ZNF277: variants seen among roughly 807,000 people sequenced by gnomAD.
ZNF277 encodes nuclear receptor-interacting factor 4.
A neutral mutation model predicts 60.7 loss-of-function variants in ZNF277; 55 were observed. The ratio of observed to expected loss-of-function variants is 0.91; its 90% CI spans 0.73 to 1.13. ZNF277 has a LOEUF of 1.13. ZNF277 is among the 50% of genes most tolerant of loss of function. The pLI is 0.00. For synonymous variants in ZNF277, 178 were observed against 179.3 expected, an observed-to-expected ratio of 0.99 and a Z score of 0.06; for missense variants, 510 against 523.0, an observed-to-expected ratio of 0.98 and a Z score of 0.24.
At chr7:112,252,030 A>G (rs1241855997) in intron 1 of ZNF277, among the ~76,000 whole-genome samples, 1 of 152,050 alleles carries the variant, frequency 6.6e-6, no homozygotes, top group East Asian at 1.9e-4. Context: ...TTTTTGTGAG[A>G]CTCACCCAGT....
intron 1 of ZNF277, among the ~76,000 whole-genome samples, chr7:112,215,720 A>T (rs567222114): frequency 6.6e-6 from 1 of 152,064 alleles, no homozygotes; most frequent in East Asian, 1.9e-4. Context: ...TCCTCATTTC[A>T]TGTTTTTTTC....
intron 7 of ZNF277, among the ~76,000 whole-genome samples, chr7:112,331,138 A>T (rs1793222110): frequency 2.6e-5 from 4 of 152,162 alleles, no homozygotes; most frequent in Admixed American, 1.3e-4. Context: ...CATGCCAAGC[A>T]TTTTAAATGT....
At chr7:112,217,077 G>A (rs182237020) in intron 1 of ZNF277, among the ~76,000 whole-genome samples, 1 of 152,322 alleles carries the variant, frequency 6.6e-6, no homozygotes, top group East Asian at 1.9e-4. Context: ...GAATGCTGTA[G>A]AATACAAAGA....
At chr7:112,235,113 A>G (rs923666994) in intron 1 of ZNF277, among the ~76,000 whole-genome samples, 9 of 151,790 alleles carry the variant, frequency 5.9e-5, no homozygotes, top group African/African-American at 2.2e-4. Flanking sequence ...TCATAGTTAG[A>G]AAAAAAACAA....
chr7:112,209,066 A>G (rs928601186), intron 1 of ZNF277, among the ~76,000 whole-genome samples: 1 of 152,204 alleles, frequency 6.6e-6, no homozygotes, highest in Non-Finnish European at 1.5e-5. Context: ...AGTCTATCAT[A>G]GAAACCCTTC....
At chr7:112,292,616 C>T (rs1465743118) in intron 2 of ZNF277, among the ~76,000 whole-genome samples, 1 of 152,108 alleles carries the variant, frequency 6.6e-6, no homozygotes, top group East Asian at 1.9e-4. Flanking sequence ...TGTACCGATT[C>T]GTCCCCACAT....
intron 4 of ZNF277, among the ~76,000 whole-genome samples, chr7:112,304,812 A>G (rs1792553196): frequency 6.6e-6 from 1 of 152,198 alleles, no homozygotes; most frequent in Non-Finnish European, 1.5e-5. Context: ...AAACTCTTTC[A>G]GTAACTTAGA....
At chr7:112,341,331 A>G (rs1054112530) in intron 11 of ZNF277, among the ~76,000 whole-genome samples, 9 of 152,226 alleles carry the variant, frequency 5.9e-5, no homozygotes, top group Admixed American at 5.9e-4. Flanking sequence ...ATATTTTATT[A>G]ACAAAATATT....
intron 1 of ZNF277, among the ~76,000 whole-genome samples, chr7:112,217,810 T>A (rs373256938): frequency 2.6e-5 from 4 of 152,306 alleles, no homozygotes; most frequent in East Asian, 3.9e-4. Context: ...ACATCACTAT[T>A]GTAAAACCTA....
At position 112,330,551 on chromosome 7, in the gene ZNF277, T is replaced by C. The variant is rs866280964; in HGVS notation, c.801+335T>C. 9 of 140,118 alleles carry C rather than the reference T, an allele frequency of 6.4e-5. No individual in the cohort carries two copies. The African/African-American group carries it at 6.9e-4, about 11-fold the overall frequency. 8.7% of individuals were successfully genotyped at this position (140,118 alleles called of 1,614,324 possible). A position where few individuals can be genotyped will look rare whatever the true frequency, so the allele number is the denominator to read the frequency against. On this transcript the variant is annotated intron_variant, in intron 7 of 11. Coordinates refer to ENST00000361822, the MANE Select transcript of ZNF277 (RefSeq NM_021994.3). The stretch of plus-strand genomic sequence containing the variant: ...ACTTGGGGCCAGAGACTCCTTTCTT[T>C]TTTTTTTTTTTTTTTTTTTTCTTTT...
chr7:112,287,004 C>T lies in ZNF277; in HGVS notation c.223C>T (p.Leu75Phe), dbSNP rs546919541. ...EHFPVAEQDK[L>F]LKHMIIEHKI... ...TTTTCCTGTGGCTGAACAAGACAAA[C>T]TTCTGAAGCACATGATTATTGAGCA... The change falls in exon 2 of 12, where the codon CTT becomes TTT. Residue 75 changes from leucine (L) to phenylalanine (F), a missense_variant. By Grantham distance (22) the Leu-to-Phe change is conservative (BLOSUM62 0). Coordinates refer to ENST00000361822, the MANE Select transcript of ZNF277 (RefSeq NM_021994.3). 12 of 1,613,990 alleles carry T rather than the reference C, an allele frequency of 7.4e-6. No homozygotes were observed. The highest frequency in any genetic ancestry group is 9.3e-6 in the Non-Finnish European group (11 of 1,180,024).
chr7:112,334,502 G>C (rs1269092287), intron 7 of ZNF277, among the ~76,000 whole-genome samples: 1 of 149,866 alleles, frequency 6.7e-6, no homozygotes, highest in Non-Finnish European at 1.5e-5. Context: ...ACTTTCACGT[G>C]CAAATTGCTT....
In ZNF277 at chr7:112,287,088, T is replaced by A. The variant is rs199673207; in HGVS notation, c.293+14T>A. 37 of 1,613,322 alleles carry A rather than the reference T, an allele frequency of 2.3e-5. No homozygotes were observed. In the East Asian group the frequency reaches 8.0e-4, roughly 35 times the overall value. On this transcript the variant is annotated intron_variant, in intron 2 of 11. Coordinates refer to ENST00000361822, the MANE Select transcript of ZNF277 (RefSeq NM_021994.3). The stretch of plus-strand genomic sequence containing the variant: ...TGATTTCCAAAGGTAAGTTCTGTTT[T>A]TGTCCTTAAAAGAATTAAATTTGAC...
intron 5 of ZNF277, among the ~76,000 whole-genome samples, chr7:112,326,889 A>C (rs1159684893): frequency 1.3e-5 from 2 of 152,234 alleles, no homozygotes; most frequent in Non-Finnish European, 2.9e-5. Flanking sequence ...AAAGCTCTGT[A>C]GAATATACTA....
intron 1 of ZNF277, among the ~76,000 whole-genome samples, chr7:112,231,666 G>A (rs1822335220): frequency 6.6e-6 from 1 of 151,490 alleles, no homozygotes; most frequent in Admixed American, 6.6e-5. Context: ...GCCTATGAGT[G>A]TTTTTACTGA....
intron 10 of ZNF277, among the ~76,000 whole-genome samples, chr7:112,340,138 G>A (rs545826321): frequency 2.6e-4 from 39 of 152,246 alleles, no homozygotes; most frequent in Non-Finnish European, 4.4e-4. Flanking sequence ...ATAAGTTAGT[G>A]GTTAATAATA....
At chr7:112,216,258 T>C (rs1821877868) in intron 1 of ZNF277, among the ~76,000 whole-genome samples, 2 of 152,232 alleles carry the variant, frequency 1.3e-5, no homozygotes, top group Non-Finnish European at 2.9e-5. Flanking sequence ...TGCAAAAAGC[T>C]CACTGGACAA....
At chr7:112,339,728 C>T (rs552411927) in intron 9 of ZNF277, 115 bp from the exon 10 acceptor site, 26 of 1,013,462 alleles carry the variant, frequency 2.6e-5, no homozygotes, top group Middle Eastern at 3.0e-4. Flanking sequence ...CAGAAGATAC[C>T]GAACTCAGAC....
intron 4 of ZNF277, among the ~76,000 whole-genome samples, chr7:112,308,244 G>A (rs547043028): frequency 8.0e-4 from 121 of 151,984 alleles, no homozygotes; most frequent in African/African-American, 2.4e-3. Context: ...GGCTGGGTGC[G>A]GTGGCTCACT....
Sources: allele counts gnomAD v4.1 joint callset (sites outside exome capture counted in the v4.1 genomes callset), GRCh38; gene constraint gnomAD v4.1.1; transcripts MANE v1.5; gene names NCBI Gene and HGNC (gene_info 2026-07-23, HGNC 2026-07-21).